Variants in MAF observed in about 807,000 individuals in gnomAD.
The protein encoded by MAF is MAF bZIP transcription factor, also known as transcription factor Maf.
Under a neutral mutation model 22.0 loss-of-function variants are expected in MAF, and 10 were observed. That is an observed-to-expected ratio of 0.45 (90% CI 0.28 to 0.77). MAF has a LOEUF of 0.77. Ranked by LOEUF, MAF falls within the 30% of genes least tolerant of loss-of-function variation. The pLI, the probability that MAF is intolerant of heterozygous loss-of-function variation, is 0.12. For missense variants in MAF, 544 were observed against 548.4 expected (o/e 0.99, Z 0.08); for synonymous variants, 337 against 255.8 (o/e 1.32, Z -3.03).
the MAF span, among the ~76,000 whole-genome samples, chr16:79,507,258 T>C: frequency 8.1e-4 from 104 of 128,772 alleles, no homozygotes; most frequent in Middle Eastern, 6.7e-3. Flanking sequence ...GGATTACAGG[T>C]GCCCACCACC....
In MAF at chr16:79,599,912, G is replaced by A; in HGVS notation, c.-10C>T. On this transcript the variant is annotated 5_prime_UTR_variant, in exon 1 of 2. Transcript: ENST00000326043. The stretch of plus-strand genomic sequence containing the variant: ...CCAGTTCTGATGCCATTCTCCTGCC[G>A]CCGCCGCCGCCGCCGCCGCCGCTCC... 2.5e-6 allele frequency: 2 copies of A among 794,342 alleles called. No homozygotes were observed. The highest frequency in any genetic ancestry group is 1.6e-6 in the Non-Finnish European group (1 of 628,966). The allele number at this position is 794,342 out of a possible 1,614,324, so 49.2% of individuals were successfully genotyped here.
the MAF span, among the ~76,000 whole-genome samples, chr16:79,284,610 A>G: frequency 1.3e-5 from 2 of 152,228 alleles, no homozygotes; most frequent in African/African-American, 4.8e-5. Context: ...TGATATAATC[A>G]TCGATAATAA....
the MAF span, among the ~76,000 whole-genome samples, chr16:79,418,505 A>T: frequency 8.5e-5 from 13 of 152,164 alleles, no homozygotes; most frequent in African/African-American, 2.9e-4. Context: ...GGTAATTTGG[A>T]ACAAAGGGAG....
the MAF span, among the ~76,000 whole-genome samples, chr16:79,405,978 C>T: frequency 6.6e-6 from 1 of 152,216 alleles, no homozygotes; most frequent in Non-Finnish European, 1.5e-5. Context: ...GAAGCCCACT[C>T]TGTTCATGGG....
chr16:79,483,450 T>C, the MAF span, among the ~76,000 whole-genome samples: 1 of 150,282 alleles, frequency 6.7e-6, no homozygotes, highest in Admixed American at 6.6e-5. Context: ...CCCAAAGCCA[T>C]TGTCCATGCT....
the MAF span, among the ~76,000 whole-genome samples, chr16:79,478,049 C>T: frequency 1.3e-5 from 2 of 152,132 alleles, no homozygotes; most frequent in African/African-American, 4.8e-5. Flanking sequence ...AACAAATACT[C>T]AGAGCTGGGT....
At chr16:79,597,698 A>G (rs1913616337) in intron 1 of MAF, 1 of 1,020,570 alleles carries the variant, frequency 9.8e-7, no homozygotes, top group East Asian at 6.6e-5. Context: ...GCAATAAAAC[A>G]AAAGTATGAA....
chr16:79,359,049 C>T, the MAF span, among the ~76,000 whole-genome samples: 1 of 152,198 alleles, frequency 6.6e-6, no homozygotes, highest in Admixed American at 6.5e-5. Flanking sequence ...AGAATCTAGA[C>T]AACAAAGGAG....
chr16:79,562,185 G>A, the MAF span, among the ~76,000 whole-genome samples: 1 of 152,042 alleles, frequency 6.6e-6, no homozygotes, highest in Non-Finnish European at 1.5e-5. Context: ...TTCAGACCAC[G>A]TCTAGTCACA....
At chr16:79,531,283 T>A in the MAF span, among the ~76,000 whole-genome samples, 1 of 152,132 alleles carries the variant, frequency 6.6e-6, no homozygotes, top group African/African-American at 2.4e-5. Context: ...ATCCTCTGCA[T>A]CTCATCTCTC....
At chr16:79,549,688 A>G in the MAF span, among the ~76,000 whole-genome samples, 2 of 152,150 alleles carry the variant, frequency 1.3e-5, no homozygotes, top group African/African-American at 2.4e-5. Context: ...CCTGACACCA[A>G]TGTGGGTCAT....
the MAF span, among the ~76,000 whole-genome samples, chr16:79,348,910 G>T: frequency 1.3e-5 from 2 of 152,168 alleles, no homozygotes; most frequent in Non-Finnish European, 1.5e-5. Context: ...TGACCCAGCT[G>T]GTTGACCTCA....
At chr16:79,350,726 A>G in the MAF span, among the ~76,000 whole-genome samples, 1 of 152,044 alleles carries the variant, frequency 6.6e-6, no homozygotes, top group Non-Finnish European at 1.5e-5. Flanking sequence ...TATGGGAGGG[A>G]CCCTGCAGGG....
At chr16:79,210,523 C>T in the MAF span, among the ~76,000 whole-genome samples, 1 of 152,154 alleles carries the variant, frequency 6.6e-6, no homozygotes, top group Admixed American at 6.5e-5. Context: ...CTTGTGGGGG[C>T]GAGCTTATCT....
chr16:79,213,589 A>T, the MAF span, among the ~76,000 whole-genome samples: 28 of 152,236 alleles, frequency 1.8e-4, no homozygotes, highest in Middle Eastern at 3.4e-3. Context: ...TTCCTTGTTG[A>T]TCTTTGGAAC....
the MAF span, among the ~76,000 whole-genome samples, chr16:79,519,455 T>C: frequency 6.6e-6 from 1 of 152,178 alleles, no homozygotes; most frequent in Non-Finnish European, 1.5e-5. Flanking sequence ...CAGAACACGT[T>C]TCCAGGGAGA....
the MAF span, among the ~76,000 whole-genome samples, chr16:79,496,251 G>A: frequency 1.9e-4 from 29 of 152,282 alleles, no homozygotes; most frequent in Middle Eastern, 3.4e-3. Flanking sequence ...AAAGAGAATA[G>A]GGAATTCCAG....
At chr16:79,222,958 G>A in the MAF span, among the ~76,000 whole-genome samples, 4 of 152,078 alleles carry the variant, frequency 2.6e-5, no homozygotes, top group East Asian at 1.9e-4. Flanking sequence ...TAGACATATC[G>A]ACGAGACAGA....
rs201126542 is a variant in MAF, at chr16:79,598,875, G to A, written c.1028C>T (p.Ala343Val). 1.2e-4 allele frequency: 195 copies of A among 1,613,758 alleles called. 2 individuals carry two copies. The Admixed American group carries it at 3.2e-3, about 26-fold the overall frequency. ...CAACTTCTCGTATTTCTCCTTGTAC[G>A]CGTCCCTCTCGCGCACCAGCCTGGA... ...EISRLVRERD[A>V]YKEKYEKLVS... The change falls in exon 1 of 2, where the codon GCG becomes GTG. Residue 343 changes from alanine (A) to valine (V), a missense_variant. Transcript: ENST00000326043.
Sources: allele counts gnomAD v4.1 joint callset (sites outside exome capture counted in the v4.1 genomes callset), GRCh38; gene constraint gnomAD v4.1.1; transcripts MANE v1.5; gene names NCBI Gene and HGNC (gene_info 2026-07-23, HGNC 2026-07-21).